The following KLHL7 variants were observed in gnomAD, a reference collection of about 807,000 sequenced individuals.
KLHL7 encodes the protein kelch-like protein 7.
KLHL7 carries 44 observed loss-of-function variants against 67.4 expected under a neutral mutation model. The observed-to-expected ratio is 0.65, with a 90% confidence interval of 0.51 to 0.84. The LOEUF (loss-of-function observed/expected upper bound fraction) is 0.84, where lower values mean the gene tolerates loss of function less well. KLHL7 is among the 40% of genes least tolerant of loss of function. The pLI is 0.00. For synonymous variants in KLHL7, 252 were observed against 243.3 expected (o/e 1.04, Z -0.33); for missense variants, 362 against 718.1 (o/e 0.50, Z 5.67).
intron 5 of KLHL7, among the ~76,000 whole-genome samples, chr7:23,141,560 G>C (rs1784181600): frequency 6.6e-6 from 1 of 152,260 alleles, no homozygotes; most frequent in South Asian, 2.1e-4. Flanking sequence ...TGTCAGAAGT[G>C]TAAGCTGGTT....
intron 4 of KLHL7, among the ~76,000 whole-genome samples, chr7:23,128,232 T>C (rs542892066): frequency 2.6e-5 from 4 of 151,628 alleles, no homozygotes; most frequent in Non-Finnish European, 5.9e-5. Flanking sequence ...ATCGATACTC[T>C]TAAAACTCAA....
rs111918619 is a variant in KLHL7 at position 23,175,790 on chromosome 7, G to A, written c.*1492G>A. 10 of 162,028 alleles carry A rather than the reference G, an allele frequency of 6.2e-5. No individual in the cohort carries two copies. Among genetic ancestry groups the A allele is most frequent in the Non-Finnish European group, 1.1e-4 (8 of 74,430 alleles). The allele number at this position is 162,028 out of a possible 1,614,324, so 10.0% of individuals were successfully genotyped here. On this transcript the variant is annotated 3_prime_UTR_variant, in exon 11 of 11. Coordinates refer to ENST00000339077, the MANE Select transcript of KLHL7 (RefSeq NM_001031710.3). ...ACCCTGGCCAACATGATGAGACCCCGTCTCTACTAAAAATACAAAAATTAG... is the reference window on the plus strand; with the variant it reads ...ACCCTGGCCAACATGATGAGACCCCATCTCTACTAAAAATACAAAAATTAG...
In KLHL7 at chr7:23,117,081, C is replaced by CTTTTTTTTTTTTTTTTTT. The variant is rs34692665; in HGVS notation, c.121-6689_121-6672dup. 3.1e-4 allele frequency among the ~76,000 whole-genome samples: 21 copies of CTTTTTTTTTTTTTTTTTT among 68,226 alleles called. 3 individuals are homozygous for CTTTTTTTTTTTTTTTTTT. Among genetic ancestry groups the CTTTTTTTTTTTTTTTTTT allele is most frequent in the Non-Finnish European group, 4.4e-4 (16 of 36,224 alleles). The allele number at this position is 68,226 out of a possible 152,430, so 44.8% of individuals were successfully genotyped here. On this transcript the variant is annotated intron_variant, in intron 1 of 10. Transcript: ENST00000339077. ...TCATAAAATTTTCCTAGAGCCAGGC[C>CTTTTTTTTTTTTTTTTTT]TTTTTTTTTTTTTTTTTTTTTTTTG...
At chr7:23,151,171 C>G (rs2893110) in intron 6 of KLHL7, among the ~76,000 whole-genome samples, 2 of 81,714 alleles carry the variant, frequency 2.4e-5, no homozygotes, top group African/African-American at 5.7e-5. Context: ...TTTTTTTTTT[C>G]TTTTCTTTTT....
intron 7 of KLHL7, among the ~76,000 whole-genome samples, chr7:23,159,001 A>G (rs1784782993): frequency 6.6e-6 from 1 of 152,192 alleles, no homozygotes; most frequent in South Asian, 2.1e-4. Flanking sequence ...CTGGGTATGA[A>G]TGCATCTTGA....
intron 9 of KLHL7, 71 bp downstream of exon 9, chr7:23,168,108 C>A: frequency 7.1e-7 from 1 of 1,407,736 alleles, no homozygotes; most frequent in Non-Finnish European, 1.0e-6. Context: ...TGTCAAAAGA[C>A]CAGAGGAACC....
At position 23,174,911 on chromosome 7, in the gene KLHL7, A is replaced by G. The variant is rs1368701193; in HGVS notation, c.*613A>G. 5 of 454,394 alleles carry G rather than the reference A, an allele frequency of 1.1e-5. No homozygotes were observed. The highest frequency in any genetic ancestry group is 2.4e-5 in the Admixed American group (1 of 42,550). 28.1% of individuals were successfully genotyped at this position (454,394 alleles called of 1,614,324 possible). A position where few individuals can be genotyped will look rare whatever the true frequency, so the allele number is the denominator to read the frequency against. On this transcript the variant is annotated 3_prime_UTR_variant, in exon 11 of 11. Transcript: ENST00000339077. Reference sequence around the variant, plus strand: ...ATATGTCCAACTCCTCATGAAATATATTCAATCCACTTAAATATATTCCAT... The same window carrying G: ...ATATGTCCAACTCCTCATGAAATATGTTCAATCCACTTAAATATATTCCAT...
intron 6 of KLHL7, among the ~76,000 whole-genome samples, chr7:23,145,318 T>A (rs1013700155): frequency 7.2e-5 from 11 of 152,124 alleles, no homozygotes; most frequent in Non-Finnish European, 2.9e-5. Context: ...CAGCTATACT[T>A]TTTAATTTCT....
chr7:23,127,786 A>G (rs561930417), intron 4 of KLHL7, among the ~76,000 whole-genome samples: 83 of 152,104 alleles, frequency 5.5e-4, no homozygotes, highest in African/African-American at 1.8e-3. Context: ...AGGCGGGAAA[A>G]TCGTTTGAAC....
In KLHL7 at chr7:23,140,975, A is replaced by C. The variant is rs1263629806; in HGVS notation, c.618+31A>C. The stretch of plus-strand genomic sequence containing the variant: ...TAAATTGCCTTCTCACATTTTTCTT[A>C]ATAAAAATGTCTTTATTGGTTTCTT... On this transcript the variant is annotated intron_variant, in intron 5 of 10. Transcript: ENST00000339077. 7 of 1,575,648 alleles carry C rather than the reference A, an allele frequency of 4.4e-6. No individual in the cohort carries two copies. In the South Asian group the frequency reaches 6.6e-5, roughly 15 times the overall value.
chr7:23,118,094 A>G, intron 1 of KLHL7: 1 of 1,095,018 alleles, frequency 9.1e-7, no homozygotes. Context: ...TTTAGCACTT[A>G]CATGGACCCA....
chr7:23,121,550 T>C (rs1783341960), intron 1 of KLHL7, among the ~76,000 whole-genome samples: 1 of 151,876 alleles, frequency 6.6e-6, no homozygotes, highest in African/African-American at 2.4e-5. Context: ...TCCACCTGCC[T>C]TGGCCTCCCA....
intron 1 of KLHL7, 114 bp downstream of exon 1, chr7:23,106,260 T>G: frequency 6.5e-7 from 1 of 1,537,010 alleles, no homozygotes; most frequent in Middle Eastern, 1.9e-4. Context: ...TTCTCTGTCC[T>G]CGCCCCTCCT....
rs1291169772 is a variant in KLHL7, at chr7:23,105,996, G to C, written c.-31G>C. On this transcript the variant is annotated 5_prime_UTR_variant, in exon 1 of 11. Transcript: ENST00000339077. ...AGTGCGACCCCTCGCCCGGCCCGGC[G>C]AGCCCCGGGCGTGAACCGAGCTGAG... 1.2e-6 allele frequency: 2 copies of C among 1,604,136 alleles called. No homozygotes were observed. Among genetic ancestry groups the C allele is most frequent in the South Asian group, 2.2e-5 (2 of 89,214 alleles).
intron 4 of KLHL7, among the ~76,000 whole-genome samples, chr7:23,128,972 G>A (rs1196238104): frequency 6.6e-6 from 1 of 152,122 alleles, no homozygotes; most frequent in Non-Finnish European, 1.5e-5. Context: ...ACCAAAATGT[G>A]TTTATCCATT....
intron 4 of KLHL7, 161 bp downstream of exon 4, chr7:23,125,333 AT>A (rs1783528214): frequency 1.5e-6 from 1 of 666,514 alleles, no homozygotes; most frequent in African/African-American, 1.8e-5. Flanking sequence ...GCTTAGAGAG[AT>A]GCATATTAAC....
At chr7:23,126,274 A>T (rs1033411850) in intron 4 of KLHL7, among the ~76,000 whole-genome samples, 2 of 152,220 alleles carry the variant, frequency 1.3e-5, no homozygotes, top group African/African-American at 4.8e-5. Context: ...AACTCAGAAC[A>T]GCACACAATT....
intron 5 of KLHL7, among the ~76,000 whole-genome samples, chr7:23,141,723 C>T (rs1178127825): frequency 2.7e-5 from 4 of 150,756 alleles, no homozygotes; most frequent in Admixed American, 6.6e-5. Flanking sequence ...CCCGAGTTCA[C>T]GCCATTCTCC....
intron 9 of KLHL7, chr7:23,172,058 T>C (rs994382578): frequency 4.6e-6 from 2 of 434,592 alleles, no homozygotes; most frequent in Admixed American, 5.5e-5. Context: ...TTATAGAGAG[T>C]TACTCTTATG....
Sources: allele counts gnomAD v4.1 joint callset (sites outside exome capture counted in the v4.1 genomes callset), GRCh38; gene constraint gnomAD v4.1.1; transcripts MANE v1.5; gene names NCBI Gene and HGNC (gene_info 2026-07-23, HGNC 2026-07-21).